The following CGGBP1 variants were observed in gnomAD, a reference collection of about 807,000 sequenced individuals.
CGGBP1 encodes the protein CGG triplet repeat-binding protein 1.
In CGGBP1, 4 loss-of-function variants were observed where a neutral mutation model predicts 11.4. The observed-to-expected ratio is 0.35, with a 90% CI of 0.17 to 0.80. The LOEUF (loss-of-function observed/expected upper bound fraction) is 0.80. Ranked by LOEUF, CGGBP1 falls within the 30% of genes least tolerant of loss-of-function variation. The pLI is 0.52. For missense variants in CGGBP1, 135 were observed against 202.1 expected, an observed-to-expected ratio of 0.67 and a Z score of 2.01; for synonymous variants, 76 against 74.1, an observed-to-expected ratio of 1.03 and a Z score of -0.13.
chr3:88,113,506 A>T (rs770088277), intron 2 of CGGBP1, among the ~76,000 whole-genome samples: 33 of 152,278 alleles, frequency 2.2e-4, no homozygotes, highest in Non-Finnish European at 2.9e-4. Context: ...ACTTGAAGTA[A>T]GCTGTCTATC....
In CGGBP1 at chr3:88,131,029, T is replaced by C. The variant is rs1446533006; in HGVS notation, c.-229+9941A>G. Among the ~76,000 whole-genome samples the C allele has an allele frequency of 2.6e-5, 4 of 152,248 alleles. No individual in the cohort carries two copies. The East Asian group carries it at 5.8e-4, about 22-fold the overall frequency. ...TGATGGGGATATATTCTAAGTAATA[T>C]GTCAATAGGCAGTTTCCTTGTGTGA... On this transcript the variant is annotated intron_variant, in intron 2 of 3. Coordinates refer to the CGGBP1 transcript ENST00000462901.
chr3:88,079,486 G>A (rs531889426), intron 2 of CGGBP1, among the ~76,000 whole-genome samples: 11 of 152,108 alleles, frequency 7.2e-5, no homozygotes, highest in Admixed American at 5.9e-4. Flanking sequence ...ATAGATGGAT[G>A]TCACATCTAT....
At chr3:88,101,917 A>G (rs1221006237) in intron 2 of CGGBP1, among the ~76,000 whole-genome samples, 1 of 152,082 alleles carries the variant, frequency 6.6e-6, no homozygotes, top group African/African-American at 2.4e-5. Context: ...GTCGTTGGTA[A>G]GCATCTTTTT....
chr3:88,078,016 CT>C (rs1385807310), intron 2 of CGGBP1, among the ~76,000 whole-genome samples: 1 of 152,026 alleles, frequency 6.6e-6, no homozygotes, highest in African/African-American at 2.4e-5. Context: ...TGTGAAATTT[CT>C]TTGTATTTAA....
chr3:88,059,239 AGAG>A, upstream of CGGBP1: 7 of 1,521,020 alleles, frequency 4.6e-6, no homozygotes, highest in Non-Finnish European at 6.1e-6. Flanking sequence ...AGGGAACTAG[AGAG>A]GAGGAGGAGG....
chr3:88,142,249 C>T (rs1277758910), intron 1 of CGGBP1: 2 of 147,290 alleles, frequency 1.4e-5, no homozygotes, highest in South Asian at 4.4e-4. Context: ...TTAATTAGGT[C>T]AAAGTTCAAT....
intron 2 of CGGBP1, among the ~76,000 whole-genome samples, chr3:88,089,326 C>G (rs1708515889): frequency 6.6e-6 from 1 of 151,044 alleles, no homozygotes; most frequent in Non-Finnish European, 1.5e-5. Context: ...CCTGTCTCTA[C>G]TAAAAATACA....
chr3:88,114,329 G>A (rs1203426940), intron 2 of CGGBP1, among the ~76,000 whole-genome samples: 1 of 152,128 alleles, frequency 6.6e-6, no homozygotes, highest in Non-Finnish European at 1.5e-5. Flanking sequence ...CACTGATAAT[G>A]GGAACCACTG....
At chr3:88,063,064 C>T (rs1706978098), upstream of CGGBP1, among the ~76,000 whole-genome samples, 1 of 152,140 alleles carries the variant, frequency 6.6e-6, no homozygotes, top group Non-Finnish European at 1.5e-5. Context: ...TGGCGGGGTT[C>T]TCAGAGATTT....
intron 2 of CGGBP1, among the ~76,000 whole-genome samples, chr3:88,124,867 G>T: frequency 6.6e-6 from 1 of 151,084 alleles, no homozygotes; most frequent in South Asian, 2.1e-4. Flanking sequence ...ACTTTTACTA[G>T]ATATTCAGTT....
At chr3:88,117,891 C>T (rs1705505992) in intron 2 of CGGBP1, among the ~76,000 whole-genome samples, 1 of 151,590 alleles carries the variant, frequency 6.6e-6, no homozygotes, top group African/African-American at 2.4e-5. Flanking sequence ...TCATTCTAGA[C>T]ACACTGAGTT....
At chr3:88,100,289 G>A (rs1182015092) in intron 2 of CGGBP1, among the ~76,000 whole-genome samples, 1 of 152,260 alleles carries the variant, frequency 6.6e-6, no homozygotes, top group South Asian at 2.1e-4. Flanking sequence ...TCTCACACCA[G>A]TTAGAATGAC....
rs1706611638 is a variant in CGGBP1 at position 88,058,071 on chromosome 3, A to T, written c.-178T>A. ...TGATACTTAGCAGGGAATGGTCTCC[A>T]GAGCGAAACCAGAGACGCATCAAAT... is the stretch of plus-strand genomic sequence containing the variant. On this transcript the variant is annotated 5_prime_UTR_variant, in exon 2 of 4. Transcript: ENST00000482016. The T allele has an allele frequency of 6.6e-6, 1 of 152,236 alleles. No homozygotes were observed. The highest frequency in any genetic ancestry group is 6.5e-5 in the Admixed American group (1 of 15,280). 9.4% of individuals were successfully genotyped at this position (152,236 alleles called of 1,614,324 possible).
At chr3:88,060,381 G>T (rs1706799925), upstream of CGGBP1, among the ~76,000 whole-genome samples, 1 of 152,098 alleles carries the variant, frequency 6.6e-6, no homozygotes, top group African/African-American at 2.4e-5. Flanking sequence ...TACTTTTTTA[G>T]GGGTAAAGTT....
intron 2 of CGGBP1, among the ~76,000 whole-genome samples, chr3:88,075,769 G>GT (rs1707767214): frequency 6.6e-6 from 1 of 151,302 alleles, no homozygotes; most frequent in African/African-American, 2.4e-5. Context: ...TTTTCTCTTG[G>GT]TTTTTTTGTT....
At chr3:88,138,210 A>C (rs1706915617) in intron 2 of CGGBP1, among the ~76,000 whole-genome samples, 1 of 152,196 alleles carries the variant, frequency 6.6e-6, no homozygotes, top group Admixed American at 6.5e-5. Flanking sequence ...TTACTTAATA[A>C]GCAAAATAAG....
chr3:88,106,320 TG>T (rs1704734794), intron 2 of CGGBP1, among the ~76,000 whole-genome samples: 1 of 152,080 alleles, frequency 6.6e-6, no homozygotes, highest in South Asian at 2.1e-4. Flanking sequence ...AAGTTGAAAA[TG>T]TATATTTTTT....
At chr3:88,149,846 C>G (rs1236209312) in exon 1 of CGGBP1, 2 of 598,766 alleles carry the variant, frequency 3.3e-6, no homozygotes, top group Non-Finnish European at 5.9e-6. Context: ...GGACTTCACT[C>G]CGTCCCCAGC....
upstream of CGGBP1, among the ~76,000 whole-genome samples, chr3:88,060,130 C>T (rs190910218): frequency 5.3e-5 from 8 of 152,010 alleles, no homozygotes; most frequent in Middle Eastern, 0.014. Flanking sequence ...TTTTTTTTAA[C>T]CTCCTTCGGT....
Sources: gnomAD v4.1 joint callset for allele counts (sites outside exome capture counted in the v4.1 genomes callset) on GRCh38, gnomAD v4.1.1 for gene constraint, MANE v1.5 for transcripts, NCBI Gene and HGNC (gene_info 2026-07-23, HGNC 2026-07-21) for gene names.